CCSER1: variants seen among roughly 807,000 people sequenced by gnomAD.
The protein encoded by CCSER1 is coiled-coil serine rich protein 1.
CCSER1 carries 41 observed loss-of-function variants against 82.0 expected under a neutral mutation model. The observed-to-expected ratio is 0.50, with a 90% CI of 0.39 to 0.65. The LOEUF is 0.65. Among genes scored for constraint, CCSER1 ranks in the 30% least tolerant of loss-of-function variants. The pLI is 0.00. For synonymous variants in CCSER1, 414 were observed against 383.9 expected, an observed-to-expected ratio of 1.08 and a Z score of -0.92; for missense variants, 1,119 against 1,064.2, an observed-to-expected ratio of 1.05 and a Z score of -0.72.
chr4:90,268,371 A>G (rs1225612692), intron 1 of CCSER1, among the ~76,000 whole-genome samples: 2 of 152,200 alleles, frequency 1.3e-5, no homozygotes, highest in Non-Finnish European at 2.9e-5. Flanking sequence ...AATAAAATAG[A>G]AACAATGATA....
chr4:91,542,186 C>T (rs1205460639), intron 10 of CCSER1, among the ~76,000 whole-genome samples: 7 of 152,172 alleles, frequency 4.6e-5, no homozygotes, highest in Non-Finnish European at 1.5e-5. Context: ...GTTGCCTGTT[C>T]ACTCTGATGG....
intron 5 of CCSER1, among the ~76,000 whole-genome samples, chr4:90,561,754 G>A (rs772906900): frequency 6.6e-5 from 10 of 152,132 alleles, no homozygotes; most frequent in Admixed American, 2.6e-4. Flanking sequence ...CAGGACAGTA[G>A]TAAGTATATG....
chr4:90,661,775 T>C (rs1730833345), intron 6 of CCSER1, among the ~76,000 whole-genome samples: 1 of 152,058 alleles, frequency 6.6e-6, no homozygotes, highest in African/African-American at 2.4e-5. Context: ...GTTTTTGTTC[T>C]TTAAAAAAAC....
At chr4:91,128,031 G>T (rs1727664774) in intron 10 of CCSER1, among the ~76,000 whole-genome samples, 1 of 152,000 alleles carries the variant, frequency 6.6e-6, no homozygotes, top group Non-Finnish European at 1.5e-5. Context: ...GTTCAACCAT[G>T]AATCTTATCC....
At chr4:90,977,251 C>T (rs755774926) in intron 9 of CCSER1, among the ~76,000 whole-genome samples, 19 of 151,424 alleles carry the variant, frequency 1.3e-4, no homozygotes, top group Admixed American at 4.0e-4. Context: ...GGAGATTGTT[C>T]CAGCCCTGGC....
At chr4:90,923,493 A>G (rs573002835) in intron 9 of CCSER1, 46 bp downstream of exon 9, 1 of 1,266,812 alleles carries the variant, frequency 7.9e-7, no homozygotes, top group Non-Finnish European at 1.1e-6. Context: ...ATTGGCATTC[A>G]GACCTCCACA....
At chr4:91,587,750 G>A (rs895819133) in intron 10 of CCSER1, among the ~76,000 whole-genome samples, 2 of 151,420 alleles carry the variant, frequency 1.3e-5, no homozygotes, top group African/African-American at 2.4e-5. Context: ...AAAATGAAAG[G>A]TGATAGGTTC....
At chr4:91,191,088 T>C (rs1376845621) in intron 10 of CCSER1, among the ~76,000 whole-genome samples, 1 of 152,212 alleles carries the variant, frequency 6.6e-6, no homozygotes, top group Non-Finnish European at 1.5e-5. Context: ...TATTGTTTGA[T>C]GAATAAATGT....
At chr4:90,870,374 C>T (rs376330120) in intron 8 of CCSER1, among the ~76,000 whole-genome samples, 7 of 151,700 alleles carry the variant, frequency 4.6e-5, no homozygotes, top group African/African-American at 1.7e-4. Flanking sequence ...TCTTATTTAC[C>T]CAGTTTTTTT....
chr4:91,130,467 T>C (rs1162658171), intron 10 of CCSER1, among the ~76,000 whole-genome samples: 3 of 151,938 alleles, frequency 2.0e-5, no homozygotes, highest in Admixed American at 1.3e-4. Context: ...GTATATGTGA[T>C]AGTGATCTGT....
Position 90,858,958 on chromosome 4 carries a change from G to A in CCSER1, c.2094+43113G>A, listed in dbSNP as rs576355585. On this transcript the variant is annotated intron_variant, in intron 8 of 10. Transcript: ENST00000509176. ...ATGGCTCTTGAAAAATGACCTAGAGGTCAAAAGATATTTTGCAGTGCATTT... is the reference window on the plus strand; with the variant it reads ...ATGGCTCTTGAAAAATGACCTAGAGATCAAAAGATATTTTGCAGTGCATTT... Among the ~76,000 whole-genome samples, 7 of 151,966 alleles carry A rather than the reference G, an allele frequency of 4.6e-5. No homozygotes were observed. In the South Asian group the frequency reaches 1.2e-3, roughly 27 times the overall value.
At chr4:91,457,677 CATAAA>C (rs1250704439) in intron 10 of CCSER1, among the ~76,000 whole-genome samples, 3 of 151,830 alleles carry the variant, frequency 2.0e-5, no homozygotes, top group Non-Finnish European at 2.9e-5. Context: ...TGAAAAAAAA[CATAAA>C]ATAAAATAAT....
chr4:90,715,924 A>G (rs1741555319), intron 6 of CCSER1, among the ~76,000 whole-genome samples: 1 of 151,970 alleles, frequency 6.6e-6, no homozygotes, highest in African/African-American at 2.4e-5. Flanking sequence ...TGCAAAAGAG[A>G]ATATAACACT....
At chr4:90,872,055 G>A (rs1766585140) in intron 8 of CCSER1, among the ~76,000 whole-genome samples, 2 of 151,494 alleles carry the variant, frequency 1.3e-5, no homozygotes. Flanking sequence ...GTATGTGTGT[G>A]TTTATGGGTG....
chr4:90,999,199 G>A (rs1737778421), intron 9 of CCSER1, among the ~76,000 whole-genome samples: 1 of 152,118 alleles, frequency 6.6e-6, no homozygotes, highest in African/African-American at 2.4e-5. Flanking sequence ...ACATGTGAGT[G>A]CTGTCCCTTT....
rs77348411 is a variant in CCSER1, at chr4:90,604,484, C to T, written c.1725-23541C>T. Among the ~76,000 whole-genome samples, 89 of 152,300 alleles carry T rather than the reference C, an allele frequency of 5.8e-4. 1 individual carries two copies. The East Asian group carries it at 0.016, about 27-fold the overall frequency. ...CATCTATAAAACTGCTATAATGAAACATGCTTGGCAAGTTTGTTGTGAGCA... is the reference window on the plus strand; with the variant it reads ...CATCTATAAAACTGCTATAATGAAATATGCTTGGCAAGTTTGTTGTGAGCA... On this transcript the variant is annotated intron_variant, in intron 5 of 10. Transcript: ENST00000509176.
At chr4:91,157,075 G>T (rs60882174) in intron 10 of CCSER1, among the ~76,000 whole-genome samples, 5,606 of 151,956 alleles carry the variant, frequency 0.037, 329 homozygotes, top group African/African-American at 0.13. Context: ...CTGTGCTAGA[G>T]TCTTGTGCAG....
chr4:91,515,604 C>T (rs1464987530), intron 10 of CCSER1, among the ~76,000 whole-genome samples: 3 of 152,082 alleles, frequency 2.0e-5, no homozygotes, highest in Non-Finnish European at 2.9e-5. Flanking sequence ...TAGTCTACCA[C>T]TGATGGTCAT....
At chr4:90,570,535 T>C (rs1344398267) in intron 5 of CCSER1, among the ~76,000 whole-genome samples, 3 of 152,128 alleles carry the variant, frequency 2.0e-5, no homozygotes, top group East Asian at 1.9e-4. Context: ...AGGGGACTGA[T>C]GGTCCCCTGG....
Sources: gnomAD v4.1 joint callset for allele counts (sites outside exome capture counted in the v4.1 genomes callset) on GRCh38, gnomAD v4.1.1 for gene constraint, MANE v1.5 for transcripts, NCBI Gene and HGNC (gene_info 2026-07-23, HGNC 2026-07-21) for gene names.